The following ADGRB1 variants were observed in gnomAD, a reference collection of about 807,000 sequenced individuals.
ADGRB1 encodes adhesion G protein-coupled receptor B1, also known as brain-specific angiogenesis inhibitor 1.
ADGRB1 carries 36 observed loss-of-function variants against 175.7 expected under a neutral mutation model. The ratio of observed to expected loss-of-function variants is 0.20; its 90% CI spans 0.16 to 0.27. The LOEUF (loss-of-function observed/expected upper bound fraction) is 0.27, where lower values mean the gene tolerates loss of function less well. Among genes scored for constraint, ADGRB1 ranks in the 10% least tolerant of loss-of-function variants. The pLI is 1.00. For missense variants in ADGRB1, 1,731 were observed against 2,255.3 expected, an observed-to-expected ratio of 0.77 and a Z score of 4.71; for synonymous variants, 1,054 against 979.4, an observed-to-expected ratio of 1.08 and a Z score of -1.42.
At chr8:142,519,349 G>A (rs182302408) in intron 19 of ADGRB1, among the ~76,000 whole-genome samples, 12 of 152,298 alleles carry the variant, frequency 7.9e-5, no homozygotes, top group Admixed American at 5.2e-4. Context: ...GGGACCCAGA[G>A]AGAGAACGTG....
At chr8:142,478,475 A>T in intron 7 of ADGRB1, 115 bp downstream of exon 7, 7 of 1,159,428 alleles carry the variant, frequency 6.0e-6, no homozygotes, top group African/African-American at 3.2e-5. Context: ...GTGACTGAGG[A>T]GGGAGTGGGG....
At position 142,474,675 on chromosome 8, in the gene ADGRB1, C is replaced by A. The variant is rs1421165305; in HGVS notation, c.785-799C>A. 6.6e-6 allele frequency among the ~76,000 whole-genome samples: 1 copy of A among 152,084 alleles called. No homozygotes were observed. Among genetic ancestry groups the A allele is most frequent in the African/African-American group, 2.4e-5 (1 of 41,416 alleles). On this transcript the variant is annotated intron_variant, in intron 2 of 30. Coordinates refer to ENST00000517894, the MANE Select transcript of ADGRB1 (RefSeq NM_001702.3). The surrounding 1 kb of genome is among the most constrained non-coding windows in gnomAD (Gnocchi z 5.8). Reference sequence around the variant, plus strand: ...CCCCCGGGAGCAGAGACTCCTGGGGCGTGAGGTCTGGTTTGCTAGGGGAAC... The same window carrying A: ...CCCCCGGGAGCAGAGACTCCTGGGGAGTGAGGTCTGGTTTGCTAGGGGAAC...
chr8:142,481,097 T>C (rs1031125100), intron 9 of ADGRB1, among the ~76,000 whole-genome samples, 157 bp from the exon 10 acceptor site: 1 of 152,180 alleles, frequency 6.6e-6, no homozygotes, highest in African/African-American at 2.4e-5. Flanking sequence ...GGGAACGAGG[T>C]CCCTGCGTGG....
chr8:142,522,742 G>C, intron 22 of ADGRB1, 32 bp downstream of exon 22: 1 of 1,463,788 alleles, frequency 6.8e-7, no homozygotes, highest in East Asian at 2.7e-5. Flanking sequence ...GTGGTGGATG[G>C]CCACATGGCC....
At chr8:142,540,473 C>T (rs893150724) in intron 27 of ADGRB1, among the ~76,000 whole-genome samples, 2 of 134,054 alleles carry the variant, frequency 1.5e-5, no homozygotes, top group Admixed American at 8.4e-5. Flanking sequence ...GATCCACATG[C>T]AGCTGGTGGA....
intron 4 of ADGRB1, among the ~76,000 whole-genome samples, 183 bp from the exon 5 acceptor site, chr8:142,476,931 G>A (rs1387647446): frequency 6.6e-6 from 1 of 152,228 alleles, no homozygotes; most frequent in African/African-American, 2.4e-5. Context: ...GGCCCTCAGG[G>A]CTCCCAGCCT....
At chr8:142,458,941 C>T (rs1839825207) in intron 1 of ADGRB1, among the ~76,000 whole-genome samples, 1 of 152,226 alleles carries the variant, frequency 6.6e-6, no homozygotes, top group African/African-American at 2.4e-5. Flanking sequence ...AAGACAATCG[C>T]CCACTTCTCT....
chr8:142,528,573 G>T (rs910678309), intron 24 of ADGRB1, among the ~76,000 whole-genome samples: 1 of 151,852 alleles, frequency 6.6e-6, no homozygotes, highest in Non-Finnish European at 1.5e-5. Context: ...CCTCGGGCGC[G>T]CCCTCAAGTG....
rs367730262 is a variant in ADGRB1, at chr8:142,494,249, C to T, written c.2675+3434C>T. ...GTTCACACACTGAGTTCTGATCCTA[C>T]TCACTCACTGAGCCCTGATCCTGGT... On this transcript the variant is annotated intron_variant, in intron 17 of 30. Transcript: ENST00000517894. Among the ~76,000 whole-genome samples, 77 of 151,980 alleles carry T rather than the reference C, an allele frequency of 5.1e-4. 1 individual carries two copies. The highest frequency in any genetic ancestry group is 2.9e-3 in the South Asian group (14 of 4,808).
chr8:142,544,136 G>A (rs1045787017), intron 30 of ADGRB1, 84 bp from the exon 31 acceptor site: 56 of 1,418,026 alleles, frequency 3.9e-5, no homozygotes, highest in Non-Finnish European at 4.9e-5. Context: ...TCACTGATTC[G>A]TGTCTGCCTC....
chr8:142,460,978 G>A (rs1362541808), intron 1 of ADGRB1, among the ~76,000 whole-genome samples: 1 of 152,218 alleles, frequency 6.6e-6, no homozygotes, highest in Non-Finnish European at 1.5e-5. Context: ...TACAGGGTGG[G>A]CCTCATACCC....
intron 2 of ADGRB1, among the ~76,000 whole-genome samples, chr8:142,467,314 G>C (rs751132244): frequency 6.6e-6 from 1 of 152,244 alleles, no homozygotes; most frequent in Non-Finnish European, 1.5e-5. Flanking sequence ...AGCCTGGGAC[G>C]GGCTGGCAGC....
chr8:142,484,521 A>C, intron 12 of ADGRB1, 135 bp from the exon 13 acceptor site: 1 of 895,686 alleles, frequency 1.1e-6, no homozygotes, highest in South Asian at 1.8e-5. Context: ...TGGGGTACTC[A>C]GAGGTCACCA....
intron 17 of ADGRB1, among the ~76,000 whole-genome samples, chr8:142,498,244 C>T (rs571085409): frequency 2.4e-4 from 36 of 152,248 alleles, no homozygotes; most frequent in Non-Finnish European, 4.3e-4. Flanking sequence ...CCTACCCCAG[C>T]AGAGCAGAAG....
At chr8:142,526,408 A>T (rs1251711917) in intron 23 of ADGRB1, 134 bp from the exon 24 acceptor site, 1 of 771,178 alleles carries the variant, frequency 1.3e-6, no homozygotes, top group Non-Finnish European at 2.2e-6. Flanking sequence ...GGTTCCTGTG[A>T]TGGAGGCACG....
intron 11 of ADGRB1, among the ~76,000 whole-genome samples, chr8:142,483,010 G>A (rs1050293474): frequency 6.6e-6 from 1 of 151,106 alleles, no homozygotes; most frequent in South Asian, 2.1e-4. Context: ...CCCTGATTCT[G>A]GTCACACACT....
intron 23 of ADGRB1, 55 bp downstream of exon 23, chr8:142,524,359 C>T (rs1844050412): frequency 2.7e-6 from 4 of 1,502,708 alleles, no homozygotes; most frequent in South Asian, 2.5e-5. Flanking sequence ...CCCCCACCTG[C>T]CTCCTGGGCC....
At chr8:142,520,452 ATGG>A (rs926090854) in intron 19 of ADGRB1, among the ~76,000 whole-genome samples, 1 of 36,640 alleles carries the variant, frequency 2.7e-5, no homozygotes, top group Admixed American at 3.1e-4. Flanking sequence ...GGTGATGGTG[ATGG>A]TGGTGGTGGT....
chr8:142,466,348 A>G (rs1840276068), intron 2 of ADGRB1, among the ~76,000 whole-genome samples: 1 of 152,236 alleles, frequency 6.6e-6, no homozygotes, highest in Non-Finnish European at 1.5e-5. Flanking sequence ...AGAGGAAGCC[A>G]TTTATGCTGG....
Sources: gnomAD v4.1 joint callset for allele counts (sites outside exome capture counted in the v4.1 genomes callset) on GRCh38, gnomAD v4.1.1 for gene constraint, Gnocchi (gnomAD v3.1) non-coding constraint, MANE v1.5 for transcripts, NCBI Gene and HGNC (gene_info 2026-07-23, HGNC 2026-07-21) for gene names.